The following BLOC1S1 variants were observed in gnomAD, a reference collection of about 807,000 sequenced individuals.
BLOC1S1 encodes the protein biogenesis of lysosome-related organelles complex 1 subunit 1.
BLOC1S1 carries 11 observed loss-of-function variants against 19.0 expected under a neutral mutation model. That is an observed-to-expected ratio of 0.58 (90% CI 0.37 to 0.96). The LOEUF (loss-of-function observed/expected upper bound fraction) is 0.96. BLOC1S1 is among the 40% of genes least tolerant of loss of function. The probability of loss-of-function intolerance (pLI) is 0.01; values close to 1 mark genes in which losing one functional copy is unlikely to be tolerated. For missense variants in BLOC1S1, 220 were observed against 195.9 expected, an observed-to-expected ratio of 1.12 and a Z score of -0.73; for synonymous variants, 94 against 76.4, an observed-to-expected ratio of 1.23 and a Z score of -1.20.
intron 1 of BLOC1S1, chr12:55,716,401 TC>T: frequency 7.2e-7 from 1 of 1,389,054 alleles, no homozygotes; most frequent in Non-Finnish European, 9.3e-7. Flanking sequence ...AATACTCCGG[TC>T]CCCTCGGCAA....
intron 2 of BLOC1S1, among the ~76,000 whole-genome samples, chr12:55,717,740 G>A (rs544989090): frequency 2.6e-5 from 4 of 152,316 alleles, no homozygotes; most frequent in African/African-American, 9.6e-5. Flanking sequence ...AGGGGCTGGG[G>A]TCATCTTTGT....
intron 1 of BLOC1S1, 126 bp downstream of exon 1, chr12:55,716,322 G>C: frequency 2.0e-6 from 3 of 1,494,732 alleles, no homozygotes; most frequent in Non-Finnish European, 1.8e-6. Context: ...GGGCATGGGG[G>C]AGAGGGAATT....
intron 1 of BLOC1S1, 29 bp from the exon 2 acceptor site, chr12:55,716,904 C>T (rs1876592363): frequency 6.4e-7 from 1 of 1,570,996 alleles, no homozygotes; most frequent in African/African-American, 1.4e-5. Context: ...CCAAGTCTCC[C>T]CTCCAATTCC....
intron 1 of BLOC1S1, 187 bp downstream of exon 1, chr12:55,716,383 C>T: frequency 7.0e-7 from 1 of 1,425,424 alleles, no homozygotes; most frequent in Non-Finnish European, 9.1e-7. Flanking sequence ...GGCTCCGGTC[C>T]CTTGGGCAAT....
At position 55,716,431 on chromosome 12, in the gene BLOC1S1, T is replaced by G. The variant is rs1042074942; in HGVS notation, c.145+235T>G. ...TCGGCAACGCCCCCAATCCCCGACC[T>G]GCCGCACCTTAGCCCCGCCCCTGCC... On this transcript the variant is annotated intron_variant, in intron 1 of 3. Coordinates refer to ENST00000548925, the MANE Select transcript of BLOC1S1 (RefSeq NM_001487.4). 11 of 1,359,070 alleles carry G rather than the reference T, an allele frequency of 8.1e-6. No homozygotes were observed. The African/African-American group carries it at 1.3e-4, about 17-fold the overall frequency. The allele number at this position is 1,359,070 out of a possible 1,614,324, so 84.2% of individuals were successfully genotyped here.
rs1876515571 is a variant in BLOC1S1, at chr12:55,716,247, C to T, written c.145+51C>T. ...TTTCTCTTCGGCCGCGGCCTAGCTT[C>T]AGCCCGGAGCCTGGATCTCGAGTAA... On this transcript the variant is annotated intron_variant, in intron 1 of 3. Coordinates refer to ENST00000548925, the MANE Select transcript of BLOC1S1 (RefSeq NM_001487.4). The T allele has an allele frequency of 4.5e-6, 7 of 1,561,776 alleles. No homozygotes were observed. The East Asian group carries it at 1.5e-4, about 33-fold the overall frequency.
chr12:55,717,075 G>A, intron 2 of BLOC1S1, 70 bp downstream of exon 2: 1 of 1,334,908 alleles, frequency 7.5e-7, no homozygotes, highest in South Asian at 1.4e-5. Flanking sequence ...TGGCCAGTCT[G>A]GCCCTCAAAT....
rs942111202 is a variant in BLOC1S1 at position 55,716,289 on chromosome 12, A to C, written c.145+93A>C. 19 of 1,518,022 alleles carry C rather than the reference A, an allele frequency of 1.3e-5. No individual in the cohort carries two copies. In the African/African-American group the frequency reaches 2.3e-4, roughly 18 times the overall value. The allele number at this position is 1,518,022 out of a possible 1,614,324, so 94.0% of individuals were successfully genotyped here. On this transcript the variant is annotated intron_variant, in intron 1 of 3. Coordinates refer to ENST00000548925, the MANE Select transcript of BLOC1S1 (RefSeq NM_001487.4). ...CTCGAGTAACTAACCATATCCAGGG[A>C]AAGACGCCAGCTAGCGGGCAACGGG...
chr12:55,716,665 T>G, intron 1 of BLOC1S1: 2 of 1,281,974 alleles, frequency 1.6e-6, no homozygotes, highest in Non-Finnish European at 2.0e-6. Context: ...GGAGAAAGAG[T>G]GCCTGGGAGT....
Position 55,716,146 on chromosome 12 carries a change from G to T in BLOC1S1, c.95G>T (p.Arg32Leu), listed in dbSNP as rs774864830. The change falls in exon 1 of 4, where the codon CGC becomes CTC. Residue 32 changes from arginine (R) to leucine (L), a missense_variant. Coordinates refer to ENST00000548925, the MANE Select transcript of BLOC1S1 (RefSeq NM_001487.4). ...CAGCCCGACGTGACCATGCTGTCCC[G>T]CCTCCTAAAAGAACACCAGGCCAAG... ...SPQPDVTMLS[R>L]LLKEHQAKQN... The T allele has an allele frequency of 4.3e-6, 7 of 1,611,938 alleles. No individual in the cohort carries two copies. In the Admixed American group the frequency reaches 6.7e-5, roughly 15 times the overall value.
intron 2 of BLOC1S1, among the ~76,000 whole-genome samples, 184 bp downstream of exon 2, chr12:55,717,189 C>T (rs1261718914): frequency 1.3e-5 from 2 of 152,186 alleles, no homozygotes; most frequent in Non-Finnish European, 2.9e-5. Context: ...TAGCACTGGG[C>T]AAGGGAGGAA....
At chr12:55,718,489 A>ACCGTGT (rs1327280495) in intron 2 of BLOC1S1, among the ~76,000 whole-genome samples, 1 of 116,354 alleles carries the variant, frequency 8.6e-6, no homozygotes, top group African/African-American at 3.9e-5. Context: ...AGGGAGGGAG[A>ACCGTGT]GCATGTGTGT....
At chr12:55,716,684 C>T in intron 1 of BLOC1S1, 4 of 1,306,282 alleles carry the variant, frequency 3.1e-6, no homozygotes, top group Non-Finnish European at 3.9e-6. Flanking sequence ...GTCAGGAGTC[C>T]TGGGCGCTGC....
At chr12:55,716,261 G>C in intron 1 of BLOC1S1, 65 bp downstream of exon 1, 2 of 1,551,562 alleles carry the variant, frequency 1.3e-6, no homozygotes, top group Non-Finnish European at 1.7e-6. Flanking sequence ...CCGGAGCCTG[G>C]ATCTCGAGTA....
chr12:55,716,880 T>C (rs1876588792), intron 1 of BLOC1S1, 53 bp from the exon 2 acceptor site: 3 of 1,524,734 alleles, frequency 2.0e-6, no homozygotes, highest in Admixed American at 2.1e-5. Context: ...CCTTTAACAC[T>C]ACCCCTCAAA....
intron 1 of BLOC1S1, chr12:55,716,477 G>T: frequency 7.7e-7 from 1 of 1,295,998 alleles, no homozygotes; most frequent in Non-Finnish European, 9.8e-7. Flanking sequence ...CTGCCTATTG[G>T]CCCTGGGAGC....
chr12:55,718,490 GCA>G (rs1565652822), intron 2 of BLOC1S1, among the ~76,000 whole-genome samples: 3 of 110,968 alleles, frequency 2.7e-5, no homozygotes, highest in African/African-American at 1.2e-4. Context: ...GGGAGGGAGA[GCA>G]TGTGTGTGTG....
At position 55,719,438 on chromosome 12, in the gene BLOC1S1, C is replaced by T; in HGVS notation, c.352-61C>T. The T allele has an allele frequency of 3.3e-6, 5 of 1,513,958 alleles. No homozygotes were observed. In the South Asian group the frequency reaches 5.6e-5, roughly 17 times the overall value. 93.8% of individuals were successfully genotyped at this position (1,513,958 alleles called of 1,614,324 possible). A position where few individuals can be genotyped will look rare whatever the true frequency, so the allele number is the denominator to read the frequency against. On this transcript the variant is annotated intron_variant, in intron 3 of 3. Coordinates refer to ENST00000548925, the MANE Select transcript of BLOC1S1 (RefSeq NM_001487.4). ...AGATGAATAAAACGTATTCCCCAGA[C>T]TGGAAGCCATACTCTACCCATTCTG... is the stretch of plus-strand genomic sequence containing the variant.
chr12:55,716,145 C>T lies in BLOC1S1; in HGVS notation c.94C>T (p.Arg32Cys). 6.2e-7 allele frequency: 1 copy of T among 1,612,136 alleles called. No homozygotes were observed. The highest frequency in any genetic ancestry group is 8.5e-7 in the Non-Finnish European group (1 of 1,179,122). Residue 32 changes from arginine (R) to cysteine (C), a missense_variant, in exon 1 of 4, where the codon CGC (arginine) becomes TGC (cysteine). Physicochemically the swap from Arg to Cys is radical, Grantham distance 180 (BLOSUM62 -3). Transcript: ENST00000548925. ...SPQPDVTMLS[R>C]LLKEHQAKQN... ...CCAGCCCGACGTGACCATGCTGTCC[C>T]GCCTCCTAAAAGAACACCAGGCCAA...
Sources: gnomAD v4.1 joint callset for allele counts (sites outside exome capture counted in the v4.1 genomes callset) on GRCh38, gnomAD v4.1.1 for gene constraint, MANE v1.5 for transcripts, NCBI Gene and HGNC (gene_info 2026-07-23, HGNC 2026-07-21) for gene names.